Variants in LIFR observed in about 807,000 individuals in gnomAD.
The protein encoded by LIFR is LIF receptor subunit alpha.
A neutral mutation model predicts 122.2 loss-of-function variants in LIFR; 84 were observed. The ratio of observed to expected loss-of-function variants is 0.69; its 90% CI spans 0.58 to 0.82. The LOEUF is 0.82. Ranked by LOEUF, LIFR falls within the 40% of genes least tolerant of loss-of-function variation. The pLI is 0.00. For missense variants in LIFR, 1,294 were observed against 1,311.6 expected (o/e 0.99, Z 0.21); for synonymous variants, 422 against 434.7 (o/e 0.97, Z 0.36).
In LIFR at chr5:38,492,076, T is replaced by C. The variant is rs183852824; in HGVS notation, c.2065+1530A>G. On this transcript the variant is annotated intron_variant, in intron 14 of 19. Coordinates refer to ENST00000453190, the MANE Select transcript of LIFR (RefSeq NM_001127671.2). ...AGAGAGGAATAAAAGGTGTGCCTAC[T>C]ATGTGCCACTTGCTGTTCCAGAAGC... is the stretch of plus-strand genomic sequence containing the variant. 2.5e-3 allele frequency among the ~76,000 whole-genome samples: 377 copies of C among 152,328 alleles called. 1 individual carries two copies. Among genetic ancestry groups the C allele is most frequent in the African/African-American group, 8.5e-3 (354 of 41,584 alleles).
chr5:38,514,666 T>C lies in LIFR; in HGVS notation c.562-2702A>G, dbSNP rs879825310. 4.6e-5 allele frequency among the ~76,000 whole-genome samples: 7 copies of C among 152,360 alleles called. No individual in the cohort carries two copies. In the East Asian group the frequency reaches 5.8e-4, roughly 13 times the overall value. On this transcript the variant is annotated intron_variant, in intron 5 of 19. Coordinates refer to ENST00000453190, the MANE Select transcript of LIFR (RefSeq NM_001127671.2). ...TACAATAGCAAATAACTACTGACAG[T>C]TGGCTCCCTCTATTCATCGCTCCAC...
At chr5:38,507,217 G>A (rs1479040827) in intron 7 of LIFR, among the ~76,000 whole-genome samples, 2 of 151,704 alleles carry the variant, frequency 1.3e-5, no homozygotes, top group East Asian at 3.9e-4. Flanking sequence ...TTTAAGGCAG[G>A]ACTAGAAAAA....
At chr5:38,526,248 T>G (rs1046365558) in intron 4 of LIFR, among the ~76,000 whole-genome samples, 1 of 152,208 alleles carries the variant, frequency 6.6e-6, no homozygotes, top group Non-Finnish European at 1.5e-5. Context: ...ATCTACGTGC[T>G]CCTGCTTCCT....
intron 1 of LIFR, among the ~76,000 whole-genome samples, chr5:38,568,998 T>C (rs1162470297): frequency 6.6e-6 from 1 of 152,204 alleles, no homozygotes; most frequent in Non-Finnish European, 1.5e-5. Context: ...TGATCAGTCA[T>C]TGATGCCACC....
chr5:38,557,974 T>C (rs1170251725), upstream of LIFR: 1 of 152,166 alleles, frequency 6.6e-6, no homozygotes, highest in Non-Finnish European at 1.5e-5. Flanking sequence ...TCCTTGATGG[T>C]TTGGGAAATT....
chr5:38,537,548 A>C (rs776421094), intron 1 of LIFR, among the ~76,000 whole-genome samples: 1 of 152,212 alleles, frequency 6.6e-6, no homozygotes, highest in East Asian at 1.9e-4. Context: ...AACAACCTGA[A>C]GAACATTCCT....
At chr5:38,496,284 T>C (rs1314523720) in intron 13 of LIFR, 98 bp downstream of exon 13, 5 of 948,190 alleles carry the variant, frequency 5.3e-6, no homozygotes, top group Non-Finnish European at 8.6e-6. Flanking sequence ...CAACAAGGTA[T>C]ACGAGAAGAA....
chr5:38,489,295 T>G, intron 15 of LIFR, 50 bp from the exon 16 acceptor site: 1 of 1,345,836 alleles, frequency 7.4e-7, no homozygotes, highest in Non-Finnish European at 1.1e-6. Context: ...GAATACAGAG[T>G]AATACAGTAA....
At chr5:38,525,185 A>T (rs1045407685) in intron 4 of LIFR, among the ~76,000 whole-genome samples, 2 of 152,334 alleles carry the variant, frequency 1.3e-5, no homozygotes, top group African/African-American at 4.8e-5. Flanking sequence ...TTTTGGACCA[A>T]TGGAAAACAA....
intron 1 of LIFR, among the ~76,000 whole-genome samples, chr5:38,587,890 A>G (rs774295346): frequency 1.3e-5 from 2 of 152,164 alleles, no homozygotes; most frequent in Non-Finnish European, 1.5e-5. Context: ...AGTGCTTACC[A>G]TGTGCCTGGG....
chr5:38,502,863 A>G, intron 10 of LIFR, 64 bp from the exon 11 acceptor site: 1 of 818,912 alleles, frequency 1.2e-6, no homozygotes, highest in Non-Finnish European at 1.8e-6. Context: ...ATATATATAT[A>G]CATACACATA....
In LIFR at chr5:38,474,793, G is replaced by A. The variant is rs1743652867; in HGVS notation, c.*6802C>T. On this transcript the variant is annotated 3_prime_UTR_variant, in exon 20 of 20. Coordinates refer to ENST00000453190, the MANE Select transcript of LIFR (RefSeq NM_001127671.2). ...TGGACAGATGGATGTTACACCAATG[G>A]CACAGCAATGTACTCAAATGTTAAA... Among the ~76,000 whole-genome samples, 2 of 152,026 alleles carry A rather than the reference G, an allele frequency of 1.3e-5. No homozygotes were observed. Among genetic ancestry groups the A allele is most frequent in the African/African-American group, 4.8e-5 (2 of 41,376 alleles).
chr5:38,536,469 T>A (rs1318530951), intron 1 of LIFR, among the ~76,000 whole-genome samples: 1 of 152,242 alleles, frequency 6.6e-6, no homozygotes, highest in African/African-American at 2.4e-5. Context: ...ACAGGTTATA[T>A]ACAAATACCA....
chr5:38,499,723 T>C, intron 11 of LIFR, 140 bp from the exon 12 acceptor site: 1 of 700,856 alleles, frequency 1.4e-6, no homozygotes, highest in South Asian at 1.6e-5. Flanking sequence ...AATGAAGCAA[T>C]GGAAAATCTA....
rs573924715 is a variant in LIFR, at chr5:38,513,289, G to A, written c.562-1325C>T. Reference sequence around the variant, plus strand: ...TCTTAAGCATCCAATGGGAAATACAGGAAAACAGCTTGTTTCTATCACAGA... The same window carrying A: ...TCTTAAGCATCCAATGGGAAATACAAGAAAACAGCTTGTTTCTATCACAGA... On this transcript the variant is annotated intron_variant, in intron 5 of 19. Coordinates refer to ENST00000453190, the MANE Select transcript of LIFR (RefSeq NM_001127671.2). Among the ~76,000 whole-genome samples the A allele has an allele frequency of 4.6e-5, 7 of 152,300 alleles. No homozygotes were observed. The East Asian group carries it at 7.7e-4, about 17-fold the overall frequency.
chr5:38,510,754 T>TAA, intron 6 of LIFR, 36 bp from the exon 7 acceptor site: 1 of 1,552,964 alleles, frequency 6.4e-7, no homozygotes, highest in Non-Finnish European at 8.8e-7. Context: ...ACATTTTATA[T>TAA]AGAAGTATTT....
upstream of LIFR, chr5:38,557,484 C>A (rs1377023269): frequency 6.5e-6 from 1 of 154,728 alleles, no homozygotes; most frequent in Admixed American, 6.5e-5. Context: ...CTCTTCGGCA[C>A]AATTAATTTT....
chr5:38,526,181 G>T (rs933545430), intron 4 of LIFR, among the ~76,000 whole-genome samples: 5 of 152,168 alleles, frequency 3.3e-5, no homozygotes, highest in Non-Finnish European at 7.4e-5. Flanking sequence ...AGATAGGGAA[G>T]AAATTTAATG....
At chr5:38,522,450 C>A (rs963964758) in intron 5 of LIFR, among the ~76,000 whole-genome samples, 1 of 152,176 alleles carries the variant, frequency 6.6e-6, no homozygotes, top group African/African-American at 2.4e-5. Flanking sequence ...AAGTTGAGTA[C>A]GAGGTGCCTC....
Sources: gnomAD v4.1 joint callset for allele counts (sites outside exome capture counted in the v4.1 genomes callset) on GRCh38, gnomAD v4.1.1 for gene constraint, MANE v1.5 for transcripts, NCBI Gene and HGNC (gene_info 2026-07-23, HGNC 2026-07-21) for gene names.